ANKS1B: variants seen among roughly 807,000 people sequenced by gnomAD.
ANKS1B encodes ankyrin repeat and sterile alpha motif domain containing 1B.
A neutral mutation model predicts 148.3 loss-of-function variants in ANKS1B; 36 were observed. The ratio of observed to expected loss-of-function variants is 0.24; its 90% CI spans 0.19 to 0.32. ANKS1B has a LOEUF of 0.32. Among genes scored for constraint, ANKS1B ranks in the 10% least tolerant of loss-of-function variants. ANKS1B has a pLI of 1.00. For missense variants in ANKS1B, 1,157 were observed against 1,542.6 expected (o/e 0.75, Z 4.19); for synonymous variants, 542 against 560.8 (o/e 0.97, Z 0.47).
chr12:99,004,335 C>CT (rs2099934850), intron 17 of ANKS1B, among the ~76,000 whole-genome samples: 1 of 151,118 alleles, frequency 6.6e-6, no homozygotes, highest in Non-Finnish European at 1.5e-5. Flanking sequence ...TTAATGTTCC[C>CT]ATTTAAAAAC....
chr12:99,907,557 T>C (rs2093830323), intron 1 of ANKS1B, among the ~76,000 whole-genome samples: 1 of 152,172 alleles, frequency 6.6e-6, no homozygotes, highest in Non-Finnish European at 1.5e-5. Context: ...GGAAAAGGGT[T>C]ATATTTTCTC....
chr12:99,289,220 A>G (rs1017283278), intron 12 of ANKS1B, among the ~76,000 whole-genome samples: 1 of 152,126 alleles, frequency 6.6e-6, no homozygotes, highest in Non-Finnish European at 1.5e-5. Context: ...AGAGAATATA[A>G]CAATTGTAAA....
Position 99,675,328 on chromosome 12 carries a change from C to T in ANKS1B, c.1129-20118G>A, listed in dbSNP as rs190507282. On this transcript the variant is annotated intron_variant, in intron 8 of 26. Coordinates refer to ENST00000683438, the MANE Select transcript of ANKS1B (RefSeq NM_001352186.2). Reference sequence around the variant, plus strand: ...ACACTTAATATTTAACTGAAAAACACTGTTAAATAAATTAGAGTATATCTA... The same window carrying T: ...ACACTTAATATTTAACTGAAAAACATTGTTAAATAAATTAGAGTATATCTA... Among the ~76,000 whole-genome samples the T allele has an allele frequency of 5.5e-3, 835 of 151,854 alleles. 9 individuals are homozygous for T. Among genetic ancestry groups the T allele is most frequent in the African/African-American group, 0.019 (791 of 41,468 alleles).
intron 9 of ANKS1B, among the ~76,000 whole-genome samples, chr12:99,528,353 C>A (rs1489837462): frequency 3.4e-5 from 5 of 147,028 alleles, no homozygotes; most frequent in Admixed American, 2.7e-4. Flanking sequence ...ACAATTGCAA[C>A]AAAACCAAAA....
chr12:99,815,704 A>C (rs2069024067), intron 2 of ANKS1B, among the ~76,000 whole-genome samples: 1 of 151,586 alleles, frequency 6.6e-6, no homozygotes, highest in Non-Finnish European at 1.5e-5. Flanking sequence ...TTTGGCATCC[A>C]CATAGCTTAG....
chr12:99,240,780 C>A (rs962756011), intron 14 of ANKS1B, among the ~76,000 whole-genome samples: 3 of 152,198 alleles, frequency 2.0e-5, no homozygotes, highest in African/African-American at 7.2e-5. Flanking sequence ...AACTGAACAA[C>A]CTGCTCCTGA....
intron 14 of ANKS1B, among the ~76,000 whole-genome samples, chr12:99,224,101 A>AT (rs978900749): frequency 2.3e-4 from 34 of 148,582 alleles, no homozygotes; most frequent in Non-Finnish European, 1.8e-4. Flanking sequence ...TATTTTTTAA[A>AT]TTTTTTTTTT....
intron 12 of ANKS1B, among the ~76,000 whole-genome samples, chr12:99,303,610 C>T (rs1002323127): frequency 6.6e-6 from 1 of 152,034 alleles, no homozygotes; most frequent in Non-Finnish European, 1.5e-5. Context: ...TAGAAGAACA[C>T]AGAGACTATT....
intron 12 of ANKS1B, among the ~76,000 whole-genome samples, chr12:99,374,579 C>T (rs73151124): frequency 6.6e-6 from 1 of 152,100 alleles, no homozygotes; most frequent in Non-Finnish European, 1.5e-5. Context: ...ATGTATAGTT[C>T]ACATTTATTT....
intron 1 of ANKS1B, among the ~76,000 whole-genome samples, chr12:99,878,805 T>C (rs1391344664): frequency 1.3e-5 from 2 of 152,150 alleles, no homozygotes; most frequent in African/African-American, 4.8e-5. Context: ...GCTTTCTTAC[T>C]CTCTTATTCT....
chr12:99,419,549 T>C (rs2095021031), intron 11 of ANKS1B, among the ~76,000 whole-genome samples: 1 of 152,190 alleles, frequency 6.6e-6, no homozygotes, highest in Non-Finnish European at 1.5e-5. Flanking sequence ...TTACAGAAGA[T>C]ATGTTCCTAG....
chr12:99,837,342 CACT>C (rs2085015508), intron 1 of ANKS1B, among the ~76,000 whole-genome samples: 1 of 152,082 alleles, frequency 6.6e-6, no homozygotes, highest in Admixed American at 6.6e-5. Context: ...TATTCTAAGC[CACT>C]ACATTTGTGG....
intron 11 of ANKS1B, among the ~76,000 whole-genome samples, chr12:99,429,198 G>A (rs1175485068): frequency 6.6e-6 from 1 of 152,104 alleles, no homozygotes; most frequent in Non-Finnish European, 1.5e-5. Flanking sequence ...TTACAATGGA[G>A]AAGTCTGAAA....
At chr12:99,408,081 T>C (rs896002069) in intron 11 of ANKS1B, among the ~76,000 whole-genome samples, 1 of 145,978 alleles carries the variant, frequency 6.9e-6, no homozygotes, top group Non-Finnish European at 1.5e-5. Flanking sequence ...AGGAATCACA[T>C]TGCCTGACTT....
intron 2 of ANKS1B, among the ~76,000 whole-genome samples, chr12:99,813,086 G>T (rs960843700): frequency 6.6e-6 from 1 of 151,290 alleles, no homozygotes. Context: ...ATTTCAAAAG[G>T]GAAACTCATT....
intron 1 of ANKS1B, among the ~76,000 whole-genome samples, chr12:99,902,673 C>T (rs1227457656): frequency 6.6e-6 from 1 of 151,576 alleles, no homozygotes; most frequent in Admixed American, 6.6e-5. Flanking sequence ...ATTGAGACTA[C>T]AAAGATTAGG....
chr12:99,866,011 G>C (rs1317882458), intron 1 of ANKS1B, among the ~76,000 whole-genome samples: 2 of 152,062 alleles, frequency 1.3e-5, no homozygotes, highest in Non-Finnish European at 2.9e-5. Flanking sequence ...ATCTAAAGTG[G>C]AGTAGCTTAA....
chr12:99,935,203 T>G (rs912291461), intron 1 of ANKS1B, among the ~76,000 whole-genome samples: 2 of 151,964 alleles, frequency 1.3e-5, no homozygotes, highest in Non-Finnish European at 2.9e-5. Context: ...ATGAGATGGA[T>G]GGGTAGAATA....
At chr12:99,510,048 A>G (rs7299293) in intron 9 of ANKS1B, among the ~76,000 whole-genome samples, 37,837 of 151,862 alleles carry the variant, frequency 0.25, 5,305 homozygotes, top group African/African-American at 0.38. Context: ...TTTACAGCAT[A>G]ATTTACTGAA....
Sources: gnomAD v4.1 joint callset for allele counts (sites outside exome capture counted in the v4.1 genomes callset) on GRCh38, gnomAD v4.1.1 for gene constraint, MANE v1.5 for transcripts, NCBI Gene and HGNC (gene_info 2026-07-23, HGNC 2026-07-21) for gene names.